NRP1: variants seen among roughly 807,000 people sequenced by gnomAD.
NRP1 encodes neuropilin 1.
A neutral mutation model predicts 106.7 loss-of-function variants in NRP1; 35 were observed. That is an observed-to-expected ratio of 0.33 (90% CI 0.25 to 0.43). The LOEUF (loss-of-function observed/expected upper bound fraction) is 0.43. NRP1 is among the 20% of genes least tolerant of loss of function. NRP1 has a pLI of 1.00. For synonymous variants in NRP1, 437 were observed against 417.9 expected, an observed-to-expected ratio of 1.05 and a Z score of -0.56; for missense variants, 1,024 against 1,170.4, an observed-to-expected ratio of 0.87 and a Z score of 1.83.
rs1214377865 is a variant in NRP1, at chr10:33,221,879, A to G, written c.1138-16T>C. On this transcript the variant is annotated splice_polypyrimidine_tract_variant and intron_variant, in intron 7 of 16. Transcript: ENST00000374867. ...CCTGAAAGAGCTGTATGGGGAAAAA[A>G]AGTGCCTTTCTTTAGCAGAGGTTTT... 6.3e-7 allele frequency: 1 copy of G among 1,593,344 alleles called. No homozygotes were observed. The highest frequency in any genetic ancestry group is 8.6e-7 in the Non-Finnish European group (1 of 1,163,192).
Position 33,334,356 on chromosome 10 carries a change from G to C in NRP1, c.27C>G (p.Cys9Trp). The change falls in exon 1 of 17, where the codon TGC becomes TGG. Residue 9 changes from cysteine (C) to tryptophan (W), a missense_variant. Physicochemically the swap from Cys to Trp is radical, Grantham distance 215. Around this residue, in one of 5 missense-constraint regions of NRP1, gnomAD observed 279 missense variants for 327.4 expected, o/e 0.85. Transcript: ENST00000374867. ...GGGCGAGGACGAGGGCGAGCACGGC[G>C]CAGAGGAGCGGCAGCCCCCTCTCCA... MERGLPLL[C>W]AVLALVLAPA... 2.6e-6 allele frequency: 4 copies of C among 1,546,640 alleles called. No individual in the cohort carries two copies. The highest frequency in any genetic ancestry group is 3.5e-6 in the Non-Finnish European group (4 of 1,147,432).
At position 33,221,839 on chromosome 10, in the gene NRP1, T is replaced by C; in HGVS notation, c.1162A>G (p.Thr388Ala). The change falls in exon 8 of 17, where the codon ACA (threonine) becomes GCA (alanine). Residue 388 changes from threonine (T) to alanine (A), a missense_variant. Thr to Ala is a moderately conservative substitution (Grantham distance 58). Around this residue, in one of 5 missense-constraint regions of NRP1, gnomAD observed 562 missense variants for 620.3 expected, o/e 0.91. Coordinates refer to ENST00000374867, the MANE Select transcript of NRP1 (RefSeq NM_003873.7). ...PVLFQGNTNP[T>A]DVVVAVFPKP... Reference sequence around the variant, plus strand: ...GGGAATACTGCAACCACAACATCTGTGGGGTTGGTGTTTCCCTGAAAGAGC... The same window carrying C: ...GGGAATACTGCAACCACAACATCTGCGGGGTTGGTGTTTCCCTGAAAGAGC... 6.2e-7 allele frequency: 1 copy of C among 1,613,280 alleles called. No homozygotes were observed. The highest frequency in any genetic ancestry group is 8.5e-7 in the Non-Finnish European group (1 of 1,179,262).
intron 2 of NRP1, among the ~76,000 whole-genome samples, chr10:33,313,692 G>T (rs550399961): frequency 6.6e-6 from 1 of 152,196 alleles, no homozygotes; most frequent in Admixed American, 6.5e-5. Context: ...GCTAATTAGA[G>T]CTCAAGTGAT....
chr10:33,303,461 C>T (rs963553087), intron 2 of NRP1, among the ~76,000 whole-genome samples: 2 of 152,164 alleles, frequency 1.3e-5, no homozygotes, highest in Non-Finnish European at 2.9e-5. Flanking sequence ...GGGATTATAG[C>T]GTAGTTCTTC....
intron 9 of NRP1, among the ~76,000 whole-genome samples, chr10:33,210,164 T>C (rs187839723): frequency 1.4e-3 from 206 of 151,982 alleles, no homozygotes; most frequent in African/African-American, 4.8e-3. Flanking sequence ...ATTGCTAATA[T>C]AGGCCTGCCT....
rs777996972 is a variant in NRP1, at chr10:33,303,630, C to T, written c.248+27078G>A. On this transcript the variant is annotated intron_variant, in intron 2 of 16. Transcript: ENST00000374867. The stretch of plus-strand genomic sequence containing the variant: ...CAGAACTTGCAGATGGCTGTTCTGT[C>T]TGTTTCAGTGTCTCGAAGTCAGAGG... Among the ~76,000 whole-genome samples, 33 of 152,306 alleles carry T rather than the reference C, an allele frequency of 2.2e-4. No individual in the cohort carries two copies. The Middle Eastern group carries it at 0.01, about 47-fold the overall frequency.
chr10:33,200,589 A>T (rs1837220332), intron 11 of NRP1, among the ~76,000 whole-genome samples: 1 of 152,218 alleles, frequency 6.6e-6, no homozygotes, highest in African/African-American at 2.4e-5. Flanking sequence ...TCTACCTATT[A>T]GGGTTAAAGC....
At chr10:33,310,291 C>T (rs1428155391) in intron 2 of NRP1, among the ~76,000 whole-genome samples, 2 of 135,274 alleles carry the variant, frequency 1.5e-5, no homozygotes, top group Non-Finnish European at 3.1e-5. Context: ...TGCTCTGTCG[C>T]CCAGGCTAGT....
rs567261830 is a variant in NRP1 at position 33,180,228 on chromosome 10, C to T, written c.2620G>A (p.Val874Ile). Residue 874 changes from valine (V) to isoleucine (I), a missense_variant, in exon 17 of 17, where the codon GTC (valine) becomes ATC (isoleucine). Around this residue, in one of 5 missense-constraint regions of NRP1, gnomAD observed 164 missense variants for 161.4 expected, o/e 1.02. Coordinates refer to ENST00000374867, the MANE Select transcript of NRP1 (RefSeq NM_003873.7). ...GCACAGTACAGCACGACCCCACAGACAGCCCCCAGGAGGACCCCCAGGGCA... is the reference window on the plus strand; with the variant it reads ...GCACAGTACAGCACGACCCCACAGATAGCCCCCAGGAGGACCCCCAGGGCA... ...MSALGVLLGA[V>I]CGVVLYCACW... is the part of the protein sequence containing the mutation. The T allele has an allele frequency of 6.2e-7, 1 of 1,614,186 alleles. No homozygotes were observed. Among genetic ancestry groups the T allele is most frequent in the East Asian group, 2.2e-5 (1 of 44,882 alleles).
chr10:33,304,465 A>T (rs956221093), intron 2 of NRP1, among the ~76,000 whole-genome samples: 2 of 152,168 alleles, frequency 1.3e-5, no homozygotes, highest in African/African-American at 2.4e-5. Context: ...AAGGGTTTTC[A>T]AAAAGGAAAG....
chr10:33,263,674 C>A lies in NRP1; in HGVS notation c.630G>T (p.Arg210=), dbSNP rs1222148426. 1 of 1,613,870 alleles carries A rather than the reference C, an allele frequency of 6.2e-7. No individual in the cohort carries two copies. Among genetic ancestry groups the A allele is most frequent in the Non-Finnish European group, 8.5e-7 (1 of 1,179,928 alleles). ...PPGGMFCRYD[R]LEIWDGFPDV... ...CAGGGAATCCATCCCAGATTTCTAG[C>A]CGGTCGTAGCGACAGAACATCCCCC... Residue 210 remains arginine (R), a synonymous_variant, in exon 4 of 17, where the codon CGG becomes CGT. Coordinates refer to ENST00000374867, the MANE Select transcript of NRP1 (RefSeq NM_003873.7).
chr10:33,299,310 G>T (rs1462329616), intron 2 of NRP1, among the ~76,000 whole-genome samples: 1 of 151,990 alleles, frequency 6.6e-6, no homozygotes, highest in African/African-American at 2.4e-5. Flanking sequence ...GAGTCCATCA[G>T]CACTGCAGGC....
At position 33,178,716 on chromosome 10, in the gene NRP1, C is replaced by T. The variant is rs1835507744; in HGVS notation, c.*1360G>A. On this transcript the variant is annotated 3_prime_UTR_variant, in exon 17 of 17. Coordinates refer to ENST00000374867, the MANE Select transcript of NRP1 (RefSeq NM_003873.7). ...CTTCCTTTGGGTCTCACTTGAAAGC[C>T]AATTTGTATTATTTCTTTCCTCAAC... 6.6e-6 allele frequency: 1 copy of T among 152,378 alleles called. No homozygotes were observed. The highest frequency in any genetic ancestry group is 1.9e-4 in the East Asian group (1 of 5,196). 9.4% of individuals were successfully genotyped at this position (152,378 alleles called of 1,614,324 possible).
intron 5 of NRP1, 52 bp downstream of exon 5, chr10:33,256,264 G>T: frequency 6.4e-7 from 1 of 1,573,946 alleles, no homozygotes. Context: ...GTGTGAGCAG[G>T]AATAACATTG....
chr10:33,185,639 T>C lies in NRP1; in HGVS notation c.2420A>G (p.Glu807Gly). 4 of 1,613,100 alleles carry C rather than the reference T, an allele frequency of 2.5e-6. No individual in the cohort carries two copies. Among genetic ancestry groups the C allele is most frequent in the Non-Finnish European group, 3.4e-6 (4 of 1,179,066 alleles). ...CAGCTCATACTTACTTGCACAATCT[T>C]CTTGTGAAATGTGGTTATTAATACT... Reference protein sequence around the residue: ...DISINNHISQEDCAKPADLDK... With the variant: ...DISINNHISQGDCAKPADLDK... The change falls in exon 15 of 17, where the codon GAA becomes GGA. Residue 807 changes from glutamate (E) to glycine (G), a missense_variant. By Grantham distance (98) the Glu-to-Gly change is moderately conservative. Transcript: ENST00000374867.
chr10:33,226,851 C>G (rs1404900122), intron 6 of NRP1, among the ~76,000 whole-genome samples: 3 of 152,190 alleles, frequency 2.0e-5, no homozygotes, highest in African/African-American at 7.2e-5. Context: ...TCCCACCTTT[C>G]TGGACCAAAC....
chr10:33,283,034 G>A (rs578092066), intron 2 of NRP1, among the ~76,000 whole-genome samples: 10 of 152,198 alleles, frequency 6.6e-5, no homozygotes, highest in African/African-American at 1.4e-4. Flanking sequence ...GTGAGCCACC[G>A]CACCTGAACT....
At chr10:33,249,084 GTTTTT>G (rs750905931) in intron 6 of NRP1, among the ~76,000 whole-genome samples, 14 of 72,202 alleles carry the variant, frequency 1.9e-4, no homozygotes, top group Admixed American at 1.9e-3. Context: ...TATGTCTCTT[GTTTTT>G]TTTTTTTTTT....
intron 11 of NRP1, among the ~76,000 whole-genome samples, chr10:33,200,836 T>C (rs1055650060): frequency 2.0e-5 from 3 of 152,198 alleles, no homozygotes; most frequent in Admixed American, 2.0e-4. Context: ...AAGTAAAATA[T>C]GTTTTAAAAA....
Sources: allele counts gnomAD v4.1 joint callset (sites outside exome capture counted in the v4.1 genomes callset), GRCh38; gene constraint gnomAD v4.1.1; regional missense constraint gnomAD v4.1.1; transcripts MANE v1.5; gene names NCBI Gene and HGNC (gene_info 2026-07-23, HGNC 2026-07-21).